Variants in DDI2 observed in about 807,000 individuals in gnomAD.
The protein encoded by DDI2 is DDI proteasomal shuttling factor 2.
In DDI2, 5 loss-of-function variants were observed where a neutral mutation model predicts 48.1. The ratio of observed to expected loss-of-function variants is 0.10; its 90% CI spans 0.05 to 0.22. The LOEUF (loss-of-function observed/expected upper bound fraction) is 0.22. DDI2 is among the 10% of genes least tolerant of loss of function. The pLI is 1.00. For synonymous variants in DDI2, 205 were observed against 183.6 expected, an observed-to-expected ratio of 1.12 and a Z score of -0.94; for missense variants, 285 against 506.2, an observed-to-expected ratio of 0.56 and a Z score of 4.19.
intron 8 of DDI2, 102 bp downstream of exon 8, chr1:15,651,997 C>T (rs1363512332): frequency 1.7e-6 from 2 of 1,172,530 alleles, no homozygotes; most frequent in East Asian, 5.6e-5. Context: ...TTTAATTAGT[C>T]TCATGGTCCA....
At chr1:15,633,825 A>T (rs748609414) in intron 4 of DDI2, 5 of 487,912 alleles carry the variant, frequency 1.0e-5, no homozygotes, top group African/African-American at 9.8e-5. Flanking sequence ...CAGACAGAGC[A>T]TCATAACACA....
chr1:15,643,488 G>A, intron 5 of DDI2, 34 bp from the exon 6 acceptor site: 9 of 1,600,584 alleles, frequency 5.6e-6, no homozygotes, highest in Non-Finnish European at 7.7e-6. Flanking sequence ...AGTGGATTTT[G>A]TTTTTATTGT....
intron 2 of DDI2, among the ~76,000 whole-genome samples, chr1:15,627,610 G>A (rs945053553): frequency 2.0e-5 from 3 of 152,178 alleles, no homozygotes; most frequent in African/African-American, 7.2e-5. Context: ...GATAGAGAGA[G>A]GGTCATAGCT....
intron 8 of DDI2, 152 bp downstream of exon 8, chr1:15,652,047 C>G: frequency 7.4e-6 from 2 of 269,578 alleles, no homozygotes; most frequent in Non-Finnish European, 1.2e-5. Flanking sequence ...TAACCTCCTT[C>G]TTTGATCTTC....
intron 4 of DDI2, among the ~76,000 whole-genome samples, chr1:15,637,937 C>T (rs1639953141): frequency 6.6e-6 from 1 of 152,134 alleles, no homozygotes; most frequent in Non-Finnish European, 1.5e-5. Context: ...ATGTTCTGGG[C>T]TTAGGAAATG....
At chr1:15,632,254 T>C (rs745731717) in intron 3 of DDI2, among the ~76,000 whole-genome samples, 1 of 152,136 alleles carries the variant, frequency 6.6e-6, no homozygotes, top group Admixed American at 6.6e-5. Context: ...CATTTAAGTT[T>C]GCACACTTAA....
Position 15,660,210 on chromosome 1 carries a change from T to C in DDI2, c.*420T>C, listed in dbSNP as rs768319738. 3 of 1,614,070 alleles carry C rather than the reference T, an allele frequency of 1.9e-6. No homozygotes were observed. The highest frequency in any genetic ancestry group is 2.5e-6 in the Non-Finnish European group (3 of 1,180,038). On this transcript the variant is annotated 3_prime_UTR_variant, in exon 10 of 10. Transcript: ENST00000480945. The stretch of plus-strand genomic sequence containing the variant: ...TTGCAGGTAATCTGGAGAAATCTGC[T>C]GAAAGAAGCACCCAGGGCCTCAAAT...
intron 1 of DDI2, among the ~76,000 whole-genome samples, chr1:15,623,378 T>TTTC (rs1386960750): frequency 2.9e-4 from 42 of 146,764 alleles, no homozygotes; most frequent in African/African-American, 9.6e-4. Flanking sequence ...CAATTGCAGT[T>TTTC]TTCTTCTTCT....
At chr1:15,657,746 C>T (rs1318137830) in intron 9 of DDI2, among the ~76,000 whole-genome samples, 2 of 152,216 alleles carry the variant, frequency 1.3e-5, no homozygotes, top group Non-Finnish European at 2.9e-5. Context: ...AATTCAACCT[C>T]TTCCAGAGTC....
chr1:15,627,446 G>A (rs1639775660), intron 2 of DDI2, among the ~76,000 whole-genome samples: 1 of 152,186 alleles, frequency 6.6e-6, no homozygotes, highest in Non-Finnish European at 1.5e-5. Context: ...CCTACCAGCT[G>A]TGTTAATCAC....
rs114815991 is a variant in DDI2 at position 15,634,030 on chromosome 1, G to A, written c.632+465G>A. 187 of 276,692 alleles carry A rather than the reference G, an allele frequency of 6.8e-4. 1 individual carries two copies. The highest frequency in any genetic ancestry group is 3.9e-3 in the African/African-American group (172 of 44,522). 17.1% of individuals were successfully genotyped at this position (276,692 alleles called of 1,614,324 possible). ...ATGGAACGTTGGTAGTCCTAAGTCT[G>A]TTTTCCTGCTGCATTTCTTGTACTG... On this transcript the variant is annotated intron_variant, in intron 4 of 9. Transcript: ENST00000480945.
chr1:15,645,745 C>T (rs1431127227), intron 6 of DDI2, among the ~76,000 whole-genome samples: 10 of 151,862 alleles, frequency 6.6e-5, no homozygotes, highest in African/African-American at 1.2e-4. Context: ...TGGCAAGTGC[C>T]GATGGTGCCA....
intron 9 of DDI2, among the ~76,000 whole-genome samples, chr1:15,658,484 C>T (rs192802445): frequency 1.5e-3 from 202 of 131,608 alleles, no homozygotes; most frequent in Admixed American, 4.2e-3. Context: ...TTACAATGGT[C>T]GGGTGCGGTG....
In DDI2 at chr1:15,660,191, G is replaced by A. The variant is rs1227732037; in HGVS notation, c.*401G>A. 6.2e-7 allele frequency: 1 copy of A among 1,614,208 alleles called. No individual in the cohort carries two copies. The highest frequency in any genetic ancestry group is 8.5e-7 in the Non-Finnish European group (1 of 1,180,034). On this transcript the variant is annotated 3_prime_UTR_variant, in exon 10 of 10. Coordinates refer to ENST00000480945, the MANE Select transcript of DDI2 (RefSeq NM_032341.5). ...TCATCCGAAGAAATAACTGTTGCAG[G>A]TAATCTGGAGAAATCTGCTGAAAGA...
At position 15,666,360 on chromosome 1, in the gene DDI2, G is replaced by A. The variant is rs10927822; in HGVS notation, c.*6570G>A. 6.6e-6 allele frequency: 1 copy of A among 152,240 alleles called. No individual in the cohort carries two copies. The highest frequency in any genetic ancestry group is 1.5e-5 in the Non-Finnish European group (1 of 68,010). The allele number at this position is 152,240 out of a possible 1,614,324, so 9.4% of individuals were successfully genotyped here. Reference sequence around the variant, plus strand: ...TGAAAATAGCTCTCCTGGAGATGGAGGGCACACAGAGTGGTCCTCAGGCTC... The same window carrying A: ...TGAAAATAGCTCTCCTGGAGATGGAAGGCACACAGAGTGGTCCTCAGGCTC... On this transcript the variant is annotated 3_prime_UTR_variant, in exon 10 of 10. Transcript: ENST00000480945.
At chr1:15,618,251 C>CTTTT (rs375538671) in intron 1 of DDI2, among the ~76,000 whole-genome samples, 2 of 129,252 alleles carry the variant, frequency 1.5e-5, no homozygotes, top group Non-Finnish European at 1.6e-5. Flanking sequence ...TGTTCCTCTG[C>CTTTT]TTTTTTTTTT....
rs115847690 is a variant in DDI2 at position 15,621,992 on chromosome 1, A to G, written c.138+4184A>G. Among the ~76,000 whole-genome samples the G allele has an allele frequency of 8.7e-3, 1,332 of 152,330 alleles. 19 individuals are homozygous for G. The highest frequency in any genetic ancestry group is 0.029 in the African/African-American group (1,221 of 41,570). On this transcript the variant is annotated intron_variant, in intron 1 of 9. Coordinates refer to ENST00000480945, the MANE Select transcript of DDI2 (RefSeq NM_032341.5). ...GTAGATAACTTGGTAGATATTGGGTATTTGATTAATGGTAATACTATTATG... is the reference window on the plus strand; with the variant it reads ...GTAGATAACTTGGTAGATATTGGGTGTTTGATTAATGGTAATACTATTATG...
At chr1:15,619,739 G>A (rs1639627794) in intron 1 of DDI2, among the ~76,000 whole-genome samples, 1 of 152,132 alleles carries the variant, frequency 6.6e-6, no homozygotes. Context: ...GTGAGCCACC[G>A]CACCCGGCCC....
Position 15,649,820 on chromosome 1 carries a change from C to T in DDI2, c.990C>T (p.His330=). 1.9e-6 allele frequency: 3 copies of T among 1,607,710 alleles called. No individual in the cohort carries two copies. Among genetic ancestry groups the T allele is most frequent in the Middle Eastern group, 3.3e-4 (2 of 6,036 alleles). ...TGGGACTGGACATGCTTAAACGGCA[C>T]CAGGTAATTAAGAGCTTCACTTATT... ...MLLGLDMLKR[H]QCSIDLKKNV... The change falls in exon 7 of 10, where the codon CAC becomes CAT. Residue 330 remains histidine (H), a synonymous_variant. Transcript: ENST00000480945.
Sources: gnomAD v4.1 joint callset for allele counts (sites outside exome capture counted in the v4.1 genomes callset) on GRCh38, gnomAD v4.1.1 for gene constraint, MANE v1.5 for transcripts, NCBI Gene and HGNC (gene_info 2026-07-23, HGNC 2026-07-21) for gene names.